Variants in DDX54 observed in about 807,000 individuals in gnomAD.
DDX54 encodes the protein DEAD-box helicase 54.
A neutral mutation model predicts 105.5 loss-of-function variants in DDX54; 67 were observed. That is an observed-to-expected ratio of 0.64 (90% CI 0.52 to 0.78). The LOEUF is 0.78. DDX54 is among the 30% of genes least tolerant of loss of function. The probability of loss-of-function intolerance (pLI) is 0.00; values close to 1 mark genes in which losing one functional copy is unlikely to be tolerated. For missense variants in DDX54, 1,206 were observed against 1,230.5 expected, an observed-to-expected ratio of 0.98 and a Z score of 0.30; for synonymous variants, 514 against 509.9, an observed-to-expected ratio of 1.01 and a Z score of -0.11.
chr12:113,178,739 T>A (rs1189946881), intron 5 of DDX54, among the ~76,000 whole-genome samples: 2 of 152,118 alleles, frequency 1.3e-5, no homozygotes, highest in African/African-American at 4.8e-5. Context: ...GACAGGGTTC[T>A]GCTATGTTGG....
At chr12:113,167,867 T>TGGCCCTGGGCA (rs57763176) in intron 12 of DDX54, 43,474 of 483,830 alleles carry the variant, frequency 0.09, 2,642 homozygotes, top group East Asian at 0.2. Flanking sequence ...GTGCTGCCTC[T>TGGCCCTGGGCA]GGCCCTGGGC....
At chr12:113,184,325 T>G (rs941747551) in intron 1 of DDX54, among the ~76,000 whole-genome samples, 18 of 151,852 alleles carry the variant, frequency 1.2e-4, no homozygotes, top group African/African-American at 4.1e-4. Flanking sequence ...CAAGCAATCC[T>G]CCCACCTCAG....
Position 113,174,765 on chromosome 12 carries a change from A to G in DDX54, c.943T>C (p.Phe315Leu), listed in dbSNP as rs1187577226. 9 of 1,612,752 alleles carry G rather than the reference A, an allele frequency of 5.6e-6. No individual in the cohort carries two copies. The highest frequency in any genetic ancestry group is 7.6e-6 in the Non-Finnish European group (9 of 1,178,920). ...TKLNEQLKTS[F>L]FLVREDTKAA... is the part of the protein sequence containing the mutation. ...TTGGTGTCCTCCCGCACGAGGAAGA[A>G]GGAGGTCTGTGGGGAGAGGGCATCA... The change falls in exon 10 of 20, where the codon TTC (phenylalanine) becomes CTC (leucine). Residue 315 changes from phenylalanine (F) to leucine (L), a missense_variant. This residue lies in a region of DDX54 where 961 missense variants were observed against 1,019.1 expected (regional missense o/e 0.94). Coordinates refer to ENST00000306014, the MANE Select transcript of DDX54 (RefSeq NM_024072.4).
chr12:113,171,366 C>A (rs566312385), intron 11 of DDX54, among the ~76,000 whole-genome samples: 2 of 152,246 alleles, frequency 1.3e-5, no homozygotes, highest in South Asian at 4.2e-4. Flanking sequence ...CTTTGGGAGG[C>A]TGAGGCAGAT....
chr12:113,161,001 C>A (rs1332979921), intron 19 of DDX54, among the ~76,000 whole-genome samples: 1 of 150,366 alleles, frequency 6.7e-6, no homozygotes, highest in African/African-American at 2.4e-5. Context: ...GGGTCGGGGA[C>A]AAGGCACCTG....
Position 113,181,012 on chromosome 12 carries a change from G to A in DDX54, c.221C>T (p.Thr74Ile), listed in dbSNP as rs1189447142. Residue 74 changes from threonine (T) to isoleucine (I), a missense_variant, in exon 2 of 20, where the codon ACC becomes ATC. Thr to Ile is a moderately conservative substitution (Grantham distance 89). Around this residue, in one of 3 missense-constraint regions of DDX54, gnomAD observed 212 missense variants for 155.4 expected, o/e 1.36. Coordinates refer to ENST00000306014, the MANE Select transcript of DDX54 (RefSeq NM_024072.4). ...CCGGGTGTCCGGCTCCACATCCGAG[G>A]TGCATTCCGAGGTGGGGAAGGTGGG... ...PLPTFPTSEC[T>I]SDVEPDTREM... 2 of 1,613,622 alleles carry A rather than the reference G, an allele frequency of 1.2e-6. No individual in the cohort carries two copies. Among genetic ancestry groups the A allele is most frequent in the East Asian group, 2.2e-5 (1 of 44,858 alleles).
intron 11 of DDX54, among the ~76,000 whole-genome samples, chr12:113,171,076 G>T (rs1014630090): frequency 1.6e-4 from 24 of 152,160 alleles, no homozygotes; most frequent in African/African-American, 5.5e-4. Context: ...TGAGGCACAA[G>T]AAATTCCCTT....
chr12:113,159,766 G>GC (rs1306202881), intron 19 of DDX54, among the ~76,000 whole-genome samples: 3 of 152,144 alleles, frequency 2.0e-5, no homozygotes, highest in Non-Finnish European at 4.4e-5. Flanking sequence ...CAGCGACCCT[G>GC]CCCCAGCCCC....
At chr12:113,166,412 C>T (rs545493054) in intron 12 of DDX54, among the ~76,000 whole-genome samples, 1 of 150,420 alleles carries the variant, frequency 6.6e-6, no homozygotes. Flanking sequence ...AAAAAAAAAA[C>T]TTTGTTGGCC....
rs147130186 is a variant in DDX54 at position 113,177,092 on chromosome 12, T to G, written c.616A>C (p.Met206Leu). 24 of 1,614,000 alleles carry G rather than the reference T, an allele frequency of 1.5e-5. No individual in the cohort carries two copies. The African/African-American group carries it at 2.9e-4, about 20-fold the overall frequency. Residue 206 changes from methionine to leucine, a missense_variant and splice_region_variant, in exon 6 of 20, where the codon ATG becomes CTG. By Grantham distance (15) the Met-to-Leu change is conservative. Coordinates refer to ENST00000306014, the MANE Select transcript of DDX54 (RefSeq NM_024072.4). ...KTALILGGDR[M>L]EDQFAALHEN... ...TGCAGGGCTGCAAACTGGTCTTCCA[T>G]CCTAGAGAGGAGAGAAGGGGTTAGC...
chr12:113,162,841 G>T, intron 17 of DDX54, 91 bp downstream of exon 17: 2 of 1,237,286 alleles, frequency 1.6e-6, no homozygotes, highest in Non-Finnish European at 2.2e-6. Flanking sequence ...AGGGAGGGGC[G>T]GCTCACTCGA....
intron 7 of DDX54, among the ~76,000 whole-genome samples, 184 bp from the exon 8 acceptor site, chr12:113,175,341 T>C (rs1446524008): frequency 1.3e-5 from 2 of 152,200 alleles, no homozygotes; most frequent in Admixed American, 1.3e-4. Flanking sequence ...CTGGAATCTG[T>C]CTTGGTCATG....
At chr12:113,185,110 C>A (rs1002187764) in intron 1 of DDX54, among the ~76,000 whole-genome samples, 168 bp downstream of exon 1, 1 of 152,234 alleles carries the variant, frequency 6.6e-6, no homozygotes, top group Non-Finnish European at 1.5e-5. Flanking sequence ...CCTGACAAGC[C>A]CCGAGACACG....
chr12:113,177,760 T>C (rs1358352241), intron 5 of DDX54, among the ~76,000 whole-genome samples: 1 of 152,212 alleles, frequency 6.6e-6, no homozygotes, highest in Non-Finnish European at 1.5e-5. Context: ...GACTGGATTC[T>C]GATCCCAGCT....
chr12:113,174,360 G>A (rs1475282501), intron 10 of DDX54, among the ~76,000 whole-genome samples: 14 of 151,968 alleles, frequency 9.2e-5, no homozygotes, highest in Admixed American at 7.9e-4. Context: ...GGTGACATGC[G>A]CCAGAAGTCC....
rs1952227220 is a variant in DDX54, at chr12:113,162,914, G to A, written c.2195+18C>T. On this transcript the variant is annotated intron_variant, in intron 17 of 19. Coordinates refer to ENST00000306014, the MANE Select transcript of DDX54 (RefSeq NM_024072.4). ...CACTCACCCCGAGCATGGAGGGGCG[G>A]CTCACTCGATCACTCACCACTTGAG... 3 of 1,563,666 alleles carry A rather than the reference G, an allele frequency of 1.9e-6. No homozygotes were observed. Among genetic ancestry groups the A allele is most frequent in the Admixed American group, 1.9e-5 (1 of 53,692 alleles).
chr12:113,159,006 C>G lies in DDX54; in HGVS notation c.2517G>C (p.Leu839=). Residue 839 remains leucine, a synonymous_variant, in exon 20 of 20, where the codon CTG becomes CTC. Transcript: ENST00000306014. Reference sequence around the variant, plus strand: ...TGAGGCCACCACGCTGCAGGAAGTGCAGCTTCTGGGCCCGGCGCCGCTGCT... The same window carrying G: ...TGAGGCCACCACGCTGCAGGAAGTGGAGCTTCTGGGCCCGGCGCCGCTGCT... The part of the protein sequence containing the change: ...ILKQRRRAQK[L]HFLQRGGLKQ... 1 of 1,611,750 alleles carries G rather than the reference C, an allele frequency of 6.2e-7. No individual in the cohort carries two copies. The highest frequency in any genetic ancestry group is 8.5e-7 in the Non-Finnish European group (1 of 1,179,304).
rs1952415297 is a variant in DDX54 at position 113,177,262 on chromosome 12, CA to C, written c.615-170del. 3 of 661,740 alleles carry C rather than the reference CA, an allele frequency of 4.5e-6. No individual in the cohort carries two copies. The South Asian group carries it at 6.2e-5, about 14-fold the overall frequency. 41.0% of individuals were successfully genotyped at this position (661,740 alleles called of 1,614,324 possible). On this transcript the variant is annotated intron_variant, in intron 5 of 19. Coordinates refer to ENST00000306014, the MANE Select transcript of DDX54 (RefSeq NM_024072.4). ...GTATGAGGCAAAGGCATTGCCCTGA[CA>C]AGAGATACAAGCTGAAATATGCAAA...
At chr12:113,182,918 G>C (rs974544876) in intron 1 of DDX54, among the ~76,000 whole-genome samples, 7 of 149,154 alleles carry the variant, frequency 4.7e-5, no homozygotes, top group Non-Finnish European at 7.4e-5. Flanking sequence ...CAGTCTCCCA[G>C]GCTGGAGTGC....
Sources: allele counts gnomAD v4.1 joint callset (sites outside exome capture counted in the v4.1 genomes callset), GRCh38; gene constraint gnomAD v4.1.1; regional missense constraint gnomAD v4.1.1; transcripts MANE v1.5; gene names NCBI Gene and HGNC (gene_info 2026-07-23, HGNC 2026-07-21).